Variants in VPS45 observed in about 807,000 individuals in gnomAD.
VPS45 encodes vacuolar protein sorting 45 homolog, also known as vacuolar protein sorting-associated protein 45.
Under a neutral mutation model 75.9 loss-of-function variants are expected in VPS45, and 35 were observed. The ratio of observed to expected loss-of-function variants is 0.46; its 90% CI spans 0.35 to 0.61. The LOEUF (loss-of-function observed/expected upper bound fraction) is 0.61, where lower values mean the gene tolerates loss of function less well. Ranked by LOEUF, VPS45 falls within the 20% of genes least tolerant of loss-of-function variation. VPS45 has a pLI of 0.00. For missense variants in VPS45, 559 were observed against 685.9 expected, an observed-to-expected ratio of 0.81 and a Z score of 2.07; for synonymous variants, 220 against 238.2, an observed-to-expected ratio of 0.92 and a Z score of 0.70.
intron 10 of VPS45, among the ~76,000 whole-genome samples, 185 bp from the exon 11 acceptor site, chr1:150,091,752 A>G (rs1326483599): frequency 6.6e-6 from 1 of 152,216 alleles, no homozygotes; most frequent in African/African-American, 2.4e-5. Context: ...ATATTTCCTT[A>G]TTTAATTCTT....
In VPS45 at chr1:150,110,493, C is replaced by T. The variant is rs1553806972; in HGVS notation, c.1494-3C>T. The T allele has an allele frequency of 8.1e-6, 13 of 1,607,458 alleles. No individual in the cohort carries two copies. The South Asian group carries it at 1.4e-4, about 18-fold the overall frequency. ...GATAATATCTCATTCTTCATTATTG[C>T]AGACCTCAGGATATCATTGTGTTTG... On this transcript the variant is annotated splice_region_variant and splice_polypyrimidine_tract_variant and intron_variant, in intron 13 of 14. Coordinates refer to ENST00000644510, the MANE Select transcript of VPS45 (RefSeq NM_007259.5).
intron 13 of VPS45, among the ~76,000 whole-genome samples, chr1:150,099,850 AAG>A (rs1304935335): frequency 2.0e-5 from 3 of 151,008 alleles, no homozygotes; most frequent in Non-Finnish European, 1.5e-5. Context: ...AAAAAAAAAA[AAG>A]AGCCATCTAT....
At chr1:150,094,409 A>G (rs1242812897) in intron 13 of VPS45, among the ~76,000 whole-genome samples, 1 of 152,202 alleles carries the variant, frequency 6.6e-6, no homozygotes, top group African/African-American at 2.4e-5. Flanking sequence ...CCTTGGAAGT[A>G]TAGTGTTTTA....
At chr1:150,134,828 A>G (rs1553813212) in intron 14 of VPS45, among the ~76,000 whole-genome samples, 1 of 152,038 alleles carries the variant, frequency 6.6e-6, no homozygotes, top group African/African-American at 2.4e-5. Flanking sequence ...TATATTTTTT[A>G]TTATTACTAT....
In VPS45 at chr1:150,124,408, G is replaced by A. The variant is rs1478323533; in HGVS notation, c.1625+13781G>A. Among the ~76,000 whole-genome samples, 7 of 152,010 alleles carry A rather than the reference G, an allele frequency of 4.6e-5. No individual in the cohort carries two copies. The South Asian group carries it at 1.2e-3, about 27-fold the overall frequency. ...TGGGAGGCAGAGGTTACAGTAAGCC[G>A]AGATCGCGCCACTGCACTCCAGCCT... On this transcript the variant is annotated intron_variant, in intron 14 of 14. Coordinates refer to ENST00000644510, the MANE Select transcript of VPS45 (RefSeq NM_007259.5).
At chr1:150,123,172 C>T (rs1301106631) in intron 14 of VPS45, among the ~76,000 whole-genome samples, 1 of 152,118 alleles carries the variant, frequency 6.6e-6, no homozygotes, top group Non-Finnish European at 1.5e-5. Context: ...TTTCAAGACT[C>T]CTCCATGTGT....
At chr1:150,067,674 G>A (rs1311261323), upstream of VPS45, 1 of 550,826 alleles carries the variant, frequency 1.8e-6, no homozygotes, top group Non-Finnish European at 3.2e-6. Flanking sequence ...TTCCATCCCC[G>A]GGGTAGGCTT....
At chr1:150,137,587 T>C (rs587666789) in intron 14 of VPS45, among the ~76,000 whole-genome samples, 1 of 152,308 alleles carries the variant, frequency 6.6e-6, no homozygotes, top group South Asian at 2.1e-4. Context: ...AAATCATTTT[T>C]TCCCACCTGT....
At chr1:150,071,228 C>G (rs782017768) in intron 2 of VPS45, among the ~76,000 whole-genome samples, 1 of 151,912 alleles carries the variant, frequency 6.6e-6, no homozygotes. Flanking sequence ...ACCAATAAAA[C>G]CTGCATTATA....
chr1:150,137,301 G>A (rs887751920), intron 14 of VPS45, among the ~76,000 whole-genome samples: 4 of 152,164 alleles, frequency 2.6e-5, no homozygotes, highest in African/African-American at 7.2e-5. Flanking sequence ...ATTTAAGCTG[G>A]GGTCTTCTTT....
intron 2 of VPS45, among the ~76,000 whole-genome samples, chr1:150,069,521 A>G (rs1295990531): frequency 9.3e-4 from 129 of 139,022 alleles, no homozygotes; most frequent in Middle Eastern, 3.8e-3. Flanking sequence ...CAGTGGCGCA[A>G]TCTCGGCTCA....
At chr1:150,082,438 G>T (rs1363772174) in intron 9 of VPS45, among the ~76,000 whole-genome samples, 1 of 150,916 alleles carries the variant, frequency 6.6e-6, no homozygotes, top group Non-Finnish European at 1.5e-5. Context: ...CCTGGGAGGC[G>T]GAGGTTGGGA....
intron 7 of VPS45, 27 bp downstream of exon 7, chr1:150,077,806 G>A (rs1655480725): frequency 6.5e-7 from 1 of 1,539,028 alleles, no homozygotes; most frequent in African/African-American, 1.4e-5. Context: ...TGGCATAATA[G>A]AAGGATAATT....
chr1:150,126,126 T>G (rs1658505863), intron 14 of VPS45, among the ~76,000 whole-genome samples: 1 of 152,146 alleles, frequency 6.6e-6, no homozygotes, highest in African/African-American at 2.4e-5. Flanking sequence ...GAAGGATAAA[T>G]TAGTATAACT....
At chr1:150,143,786 T>A (rs1373258464) in intron 14 of VPS45, among the ~76,000 whole-genome samples, 1 of 152,108 alleles carries the variant, frequency 6.6e-6, no homozygotes, top group African/African-American at 2.4e-5. Flanking sequence ...AGGCACAGAA[T>A]CTAGAGCCTG....
chr1:150,079,952 A>G (rs1655607289), intron 7 of VPS45, among the ~76,000 whole-genome samples: 1 of 152,210 alleles, frequency 6.6e-6, no homozygotes, highest in Non-Finnish European at 1.5e-5. Context: ...TATTTATCCC[A>G]CAGATTTCAC....
chr1:150,096,624 C>G (rs1656671053), intron 13 of VPS45, among the ~76,000 whole-genome samples: 1 of 152,084 alleles, frequency 6.6e-6, no homozygotes. Flanking sequence ...GAGCTAAAGT[C>G]TTCATGGAAT....
chr1:150,099,822 G>T (rs1357804421), intron 13 of VPS45, among the ~76,000 whole-genome samples: 1 of 96,876 alleles, frequency 1.0e-5, no homozygotes, highest in Non-Finnish European at 1.9e-5. Context: ...GACAGAGCGA[G>T]ACTCCGTCTC....
intron 14 of VPS45, among the ~76,000 whole-genome samples, chr1:150,129,019 G>A (rs892836532): frequency 5.9e-5 from 9 of 152,276 alleles, no homozygotes; most frequent in South Asian, 4.1e-4. Context: ...CACTGCATCC[G>A]GCAAAGAGAT....
Sources: allele counts gnomAD v4.1 joint callset (sites outside exome capture counted in the v4.1 genomes callset), GRCh38; gene constraint gnomAD v4.1.1; transcripts MANE v1.5; gene names NCBI Gene and HGNC (gene_info 2026-07-23, HGNC 2026-07-21).